GUCY1A2: variants seen among roughly 807,000 people sequenced by gnomAD.
GUCY1A2 encodes the protein guanylate cyclase soluble subunit alpha-2.
GUCY1A2 carries 27 observed loss-of-function variants against 63.5 expected under a neutral mutation model. The ratio of observed to expected loss-of-function variants is 0.43; its 90% CI spans 0.31 to 0.59. The LOEUF is 0.59. Ranked by LOEUF, GUCY1A2 falls within the 20% of genes least tolerant of loss-of-function variation. The pLI is 0.11. For synonymous variants in GUCY1A2, 364 were observed against 343.5 expected, an observed-to-expected ratio of 1.06 and a Z score of -0.66; for missense variants, 768 against 913.3, an observed-to-expected ratio of 0.84 and a Z score of 2.05.
At chr11:106,716,797 TAAG>T (rs1863224211) in intron 6 of GUCY1A2, among the ~76,000 whole-genome samples, 4 of 105,632 alleles carry the variant, frequency 3.8e-5, no homozygotes, top group African/African-American at 8.3e-5. Flanking sequence ...AAAAAAAAGA[TAAG>T]AGTAAATCTC....
chr11:106,762,559 G>T (rs974265996), intron 6 of GUCY1A2, among the ~76,000 whole-genome samples: 3 of 151,980 alleles, frequency 2.0e-5, no homozygotes, highest in African/African-American at 7.2e-5. Context: ...TAATACTGAA[G>T]AATTATTATG....
At chr11:106,745,266 G>A (rs1369380022) in intron 6 of GUCY1A2, among the ~76,000 whole-genome samples, 1 of 152,124 alleles carries the variant, frequency 6.6e-6, no homozygotes, top group East Asian at 1.9e-4. Context: ...AAACCCCACA[G>A]TGTTCTAGGG....
intron 6 of GUCY1A2, among the ~76,000 whole-genome samples, chr11:106,760,873 A>G (rs1450471891): frequency 6.6e-6 from 1 of 152,186 alleles, no homozygotes; most frequent in Non-Finnish European, 1.5e-5. Flanking sequence ...CAGAAGGAAG[A>G]CAGGAACTGA....
intron 5 of GUCY1A2, among the ~76,000 whole-genome samples, chr11:106,796,276 G>A (rs1029065280): frequency 1.3e-5 from 2 of 152,158 alleles, no homozygotes; most frequent in African/African-American, 4.8e-5. Flanking sequence ...GCCAGTCTGT[G>A]TCTTTTATTG....
At position 106,907,397 on chromosome 11, in the gene GUCY1A2, CTTTTTTTTAAT is replaced by C. The variant is rs1206996805; in HGVS notation, c.1206+32052_1206+32062del. On this transcript the variant is annotated intron_variant, in intron 4 of 7. Coordinates refer to ENST00000526355, the MANE Select transcript of GUCY1A2 (RefSeq NM_000855.3). ...TAGCTATGGCTGAGACACAGCAATT[CTTTTTTTTAAT>C]TTTATTATTATTATACTTTAAGTTT... 3.4e-5 allele frequency among the ~76,000 whole-genome samples: 5 copies of C among 148,480 alleles called. No individual in the cohort carries two copies. The East Asian group carries it at 1.0e-3, about 30-fold the overall frequency.
chr11:106,766,330 A>C (rs1225065045), intron 6 of GUCY1A2, among the ~76,000 whole-genome samples: 1 of 152,150 alleles, frequency 6.6e-6, no homozygotes, highest in Non-Finnish European at 1.5e-5. Context: ...CATCTTTGGT[A>C]CACTGTGTGT....
intron 3 of GUCY1A2, among the ~76,000 whole-genome samples, chr11:106,950,685 G>C (rs1046366837): frequency 6.6e-6 from 1 of 152,192 alleles, no homozygotes; most frequent in Admixed American, 6.5e-5. Context: ...GAGGCAGCAG[G>C]AAAGCATGAT....
Position 106,828,052 on chromosome 11 carries a change from A to AT in GUCY1A2, c.1207-17575dup, listed in dbSNP as rs566767860. Among the ~76,000 whole-genome samples the AT allele has an allele frequency of 1.7e-4, 26 of 150,810 alleles. No homozygotes were observed. The East Asian group carries it at 1.8e-3, about 10-fold the overall frequency. ...TTGCCCACTTTTAATGTAGCTCTTT[A>AT]TTTTTTTTTCTTGTTGAGTTGTTTG... On this transcript the variant is annotated intron_variant, in intron 4 of 7. Coordinates refer to ENST00000526355, the MANE Select transcript of GUCY1A2 (RefSeq NM_000855.3).
chr11:106,892,991 T>C (rs1859995125), intron 4 of GUCY1A2, among the ~76,000 whole-genome samples: 1 of 152,184 alleles, frequency 6.6e-6, no homozygotes, highest in East Asian at 1.9e-4. Flanking sequence ...ATGTATTTCT[T>C]TATAAGGCAA....
intron 5 of GUCY1A2, among the ~76,000 whole-genome samples, chr11:106,809,684 T>A (rs1858737707): frequency 6.6e-6 from 1 of 152,088 alleles, no homozygotes; most frequent in Non-Finnish European, 1.5e-5. Context: ...CAAGAATAAT[T>A]ATGTGGTAAA....
chr11:107,007,463 C>T lies in GUCY1A2; in HGVS notation c.303+10290G>A, dbSNP rs545505869. Among the ~76,000 whole-genome samples, 7 of 152,344 alleles carry T rather than the reference C, an allele frequency of 4.6e-5. No individual in the cohort carries two copies. In the South Asian group the frequency reaches 6.2e-4, roughly 14 times the overall value. The stretch of plus-strand genomic sequence containing the variant: ...CATTATTCCTGAAGACATAACCCTC[C>T]ACTCCAGCGGATTGTCCCCAAACAC... On this transcript the variant is annotated intron_variant, in intron 1 of 7. Coordinates refer to ENST00000526355, the MANE Select transcript of GUCY1A2 (RefSeq NM_000855.3).
intron 4 of GUCY1A2, among the ~76,000 whole-genome samples, chr11:106,843,411 T>TTA (rs200132715): frequency 0.013 from 1,934 of 150,856 alleles, 22 homozygotes; most frequent in South Asian, 0.047. Context: ...CCTATTGAAA[T>TTA]AAAAAAAATT....
chr11:106,826,976 T>G (rs1858979765), intron 4 of GUCY1A2: 2 of 1,610,660 alleles, frequency 1.2e-6, no homozygotes, highest in Middle Eastern at 2.3e-4. Flanking sequence ...CAGCCATATA[T>G]CTTTTCATTG....
intron 1 of GUCY1A2, among the ~76,000 whole-genome samples, chr11:106,986,698 G>A (rs1222690461): frequency 6.6e-6 from 1 of 152,050 alleles, no homozygotes; most frequent in African/African-American, 2.4e-5. Flanking sequence ...CTAACAAAAA[G>A]GCAGAGTAGG....
rs879532269 is a variant in GUCY1A2 at position 106,683,370 on chromosome 11, ATAAT to A, written c.*4175_*4178del. ...ACCCAAAGCCTATTCAGAGTCATTT[ATAAT>A]TAATTTCAAAGGAACATTCAGTGAA... is the stretch of plus-strand genomic sequence containing the variant. On this transcript the variant is annotated 3_prime_UTR_variant, in exon 8 of 8. Transcript: ENST00000526355. The A allele has an allele frequency of 1.3e-5, 3 of 223,632 alleles. No individual in the cohort carries two copies. The highest frequency in any genetic ancestry group is 2.7e-5 in the Non-Finnish European group (3 of 112,020). The allele number at this position is 223,632 out of a possible 1,614,324, so 13.9% of individuals were successfully genotyped here. A position where few individuals can be genotyped will look rare whatever the true frequency, so the allele number is the denominator to read the frequency against.
intron 4 of GUCY1A2, among the ~76,000 whole-genome samples, chr11:106,889,123 C>T (rs1009048305): frequency 1.3e-5 from 2 of 152,134 alleles, no homozygotes; most frequent in South Asian, 2.1e-4. Context: ...CGTTGCCATG[C>T]CTCCAGGTTT....
intron 3 of GUCY1A2, among the ~76,000 whole-genome samples, chr11:106,970,014 A>G (rs547687282): frequency 6.6e-6 from 1 of 152,342 alleles, no homozygotes; most frequent in South Asian, 2.1e-4. Flanking sequence ...AAACAAAAAT[A>G]GAAGAGTTTC....
chr11:106,794,041 C>T (rs1864710266), intron 5 of GUCY1A2, among the ~76,000 whole-genome samples: 3 of 152,118 alleles, frequency 2.0e-5, no homozygotes, highest in South Asian at 2.1e-4. Context: ...GAGATATCTG[C>T]ACTTCCATGT....
At chr11:106,849,130 G>C (rs1368527643) in intron 4 of GUCY1A2, among the ~76,000 whole-genome samples, 1 of 151,280 alleles carries the variant, frequency 6.6e-6, no homozygotes, top group East Asian at 1.9e-4. Context: ...ATAATTTTCT[G>C]GATTACTGAT....
Sources: allele counts gnomAD v4.1 joint callset (sites outside exome capture counted in the v4.1 genomes callset), GRCh38; gene constraint gnomAD v4.1.1; transcripts MANE v1.5; gene names NCBI Gene and HGNC (gene_info 2026-07-23, HGNC 2026-07-21).